Variants in DDI2 observed in about 807,000 individuals in gnomAD.
The protein encoded by DDI2 is DDI proteasomal shuttling factor 2.
DDI2 carries 5 observed loss-of-function variants against 48.1 expected under a neutral mutation model. The observed-to-expected ratio is 0.10, with a 90% CI of 0.05 to 0.22. The LOEUF is 0.22. Among genes scored for constraint, DDI2 ranks in the 10% least tolerant of loss-of-function variants. The probability of loss-of-function intolerance (pLI) is 1.00; values close to 1 mark genes in which losing one functional copy is unlikely to be tolerated. For missense variants in DDI2, 285 were observed against 506.2 expected (o/e 0.56, Z 4.19); for synonymous variants, 205 against 183.6 (o/e 1.12, Z -0.94).
In DDI2 at chr1:15,630,448, G is replaced by A; in HGVS notation, c.392G>A (p.Gly131Asp). 6.2e-7 allele frequency: 1 copy of A among 1,614,208 alleles called. No homozygotes were observed. Among genetic ancestry groups the A allele is most frequent in the Non-Finnish European group, 8.5e-7 (1 of 1,180,040 alleles). Residue 131 changes from glycine (G) to aspartate (D), a missense_variant, in exon 3 of 10, where the codon GGC (glycine) becomes GAC (aspartate). Coordinates refer to ENST00000480945, the MANE Select transcript of DDI2 (RefSeq NM_032341.5). ...GGAGAAATAACTTCATCTCCTCAGG[G>A]CTTGGACAATCCAGCCTTGCTCCGA... is the stretch of plus-strand genomic sequence containing the variant. ...SPGEITSSPQ[G>D]LDNPALLRDM...
intron 1 of DDI2, among the ~76,000 whole-genome samples, chr1:15,620,759 A>G (rs1475017250): frequency 6.6e-6 from 1 of 152,194 alleles, no homozygotes; most frequent in Non-Finnish European, 1.5e-5. Flanking sequence ...TATAATACAC[A>G]TAACGTGCAT....
chr1:15,617,553 C>G lies in DDI2; in HGVS notation c.-118C>G. On this transcript the variant is annotated 5_prime_UTR_variant, in exon 1 of 10. Coordinates refer to ENST00000480945, the MANE Select transcript of DDI2 (RefSeq NM_032341.5). ...GTGTGTGAGGGAGGGAGCGAGCGAG[C>G]GAACGAGCAGCCGGCGCCGTCCTCC... The G allele has an allele frequency of 1.2e-6, 1 of 850,454 alleles. No individual in the cohort carries two copies. The highest frequency in any genetic ancestry group is 4.4e-5 in the Admixed American group (1 of 22,552). The allele number at this position is 850,454 out of a possible 1,614,324, so 52.7% of individuals were successfully genotyped here. A position where few individuals can be genotyped will look rare whatever the true frequency, so the allele number is the denominator to read the frequency against.
At chr1:15,627,749 T>C (rs1353902354) in intron 2 of DDI2, among the ~76,000 whole-genome samples, 2 of 152,208 alleles carry the variant, frequency 1.3e-5, no homozygotes, top group African/African-American at 4.8e-5. Context: ...TTAAATAGTG[T>C]TTAGCCTGTA....
At position 15,661,958 on chromosome 1, in the gene DDI2, C is replaced by A; in HGVS notation, c.*2168C>A. On this transcript the variant is annotated 3_prime_UTR_variant, in exon 10 of 10. Transcript: ENST00000480945. ...ATTTAGGCCTTTTTAAATGTATTGG[C>A]AGTATGTGCATACAGAAGCTTTTTA... 1 of 473,102 alleles carries A rather than the reference C, an allele frequency of 2.1e-6. No homozygotes were observed. Among genetic ancestry groups the A allele is most frequent in the Non-Finnish European group, 3.5e-6 (1 of 282,242 alleles). 29.3% of individuals were successfully genotyped at this position (473,102 alleles called of 1,614,324 possible).
At chr1:15,649,901 C>A in intron 7 of DDI2, 78 bp downstream of exon 7, 1 of 1,374,392 alleles carries the variant, frequency 7.3e-7, no homozygotes, top group Non-Finnish European at 9.9e-7. Flanking sequence ...TTATTGGTTA[C>A]ATATACTGGA....
Position 15,626,728 on chromosome 1 carries a change from G to A in DDI2, c.198G>A (p.Leu66=), listed in dbSNP as rs77782333. 6.2e-7 allele frequency: 1 copy of A among 1,609,822 alleles called. No homozygotes were observed. Among genetic ancestry groups the A allele is most frequent in the Non-Finnish European group, 8.5e-7 (1 of 1,178,728 alleles). ...ACAGATCATTGGCTTCTTATGGCTT[G>A]AAAGATGGGGACGTTGTGATTTTAC... is the stretch of plus-strand genomic sequence containing the variant. ...DNHRSLASYG[L]KDGDVVILRQ... Residue 66 remains leucine (L), a synonymous_variant, in exon 2 of 10, where the codon TTG becomes TTA. Transcript: ENST00000480945.
chr1:15,658,526 G>A (rs1640306473), intron 9 of DDI2, among the ~76,000 whole-genome samples: 1 of 151,294 alleles, frequency 6.6e-6, no homozygotes, highest in South Asian at 2.1e-4. Context: ...ACTTTGGGAG[G>A]CTGAGGCGGG....
In DDI2 at chr1:15,638,325, A is replaced by G. The variant is rs149162199; in HGVS notation, c.651A>G (p.Glu217=). The change falls in exon 5 of 10, where the codon GAA becomes GAG. Residue 217 remains glutamate (E), a synonymous_variant. Coordinates refer to ENST00000480945, the MANE Select transcript of DDI2 (RefSeq NM_032341.5). ...GTTACAGGCAACAGAACATTGAGGA[A>G]AACATGACAATAGCTATGGAAGAGG... ...EEDIRQQNIE[E]NMTIAMEEAP... The G allele has an allele frequency of 2.0e-5, 32 of 1,614,004 alleles. No homozygotes were observed. The African/African-American group carries it at 3.3e-4, about 17-fold the overall frequency.
intron 9 of DDI2, among the ~76,000 whole-genome samples, chr1:15,657,810 T>TA (rs1195669045): frequency 2.0e-5 from 3 of 152,246 alleles, no homozygotes; most frequent in Non-Finnish European, 2.9e-5. Flanking sequence ...GGTATGAAAA[T>TA]AAAAAAACTA....
chr1:15,617,653 C>A lies in DDI2; in HGVS notation c.-18C>A. The A allele has an allele frequency of 7.1e-7, 1 of 1,414,056 alleles. No individual in the cohort carries two copies. The highest frequency in any genetic ancestry group is 1.5e-5 in the African/African-American group (1 of 68,408). 87.6% of individuals were successfully genotyped at this position (1,414,056 alleles called of 1,614,324 possible). On this transcript the variant is annotated 5_prime_UTR_variant, in exon 1 of 10. Transcript: ENST00000480945. ...CCAGGCCGGGCCGAGCCGAGCCGAGCCGGGTCGGGCCCGGGCCATGCTGCT... is the reference window on the plus strand; with the variant it reads ...CCAGGCCGGGCCGAGCCGAGCCGAGACGGGTCGGGCCCGGGCCATGCTGCT...
At chr1:15,646,675 GA>G (rs1388900117) in intron 6 of DDI2, among the ~76,000 whole-genome samples, 2 of 151,554 alleles carry the variant, frequency 1.3e-5, no homozygotes, top group South Asian at 4.2e-4. Flanking sequence ...CAATAAGAGT[GA>G]AACTCCATCT....
In DDI2 at chr1:15,660,218, G is replaced by T; in HGVS notation, c.*428G>T. ...AATCTGGAGAAATCTGCTGAAAGAA[G>T]CACCCAGGGCCTCAAATTTCATCTC... On this transcript the variant is annotated 3_prime_UTR_variant, in exon 10 of 10. Coordinates refer to ENST00000480945, the MANE Select transcript of DDI2 (RefSeq NM_032341.5). The T allele has an allele frequency of 6.2e-7, 1 of 1,614,148 alleles. No homozygotes were observed. The highest frequency in any genetic ancestry group is 8.5e-7 in the Non-Finnish European group (1 of 1,180,032).
chr1:15,629,705 T>C (rs539556652), intron 2 of DDI2, among the ~76,000 whole-genome samples: 30 of 152,008 alleles, frequency 2.0e-4, no homozygotes, highest in Non-Finnish European at 3.7e-4. Context: ...TATGCAATTA[T>C]ATTTATTGAA....
intron 9 of DDI2, among the ~76,000 whole-genome samples, chr1:15,657,343 CTT>C (rs1242975877): frequency 6.6e-6 from 1 of 152,202 alleles, no homozygotes; most frequent in Non-Finnish European, 1.5e-5. Flanking sequence ...CATCATAAGA[CTT>C]TGTAGGAGTT....
intron 3 of DDI2, among the ~76,000 whole-genome samples, chr1:15,631,608 G>C (rs569852253): frequency 4.2e-4 from 64 of 152,094 alleles, no homozygotes; most frequent in Non-Finnish European, 7.6e-4. Context: ...ACAATTCCTT[G>C]AGTTTTGACA....
intron 2 of DDI2, among the ~76,000 whole-genome samples, chr1:15,627,735 T>C (rs1435852653): frequency 1.3e-5 from 2 of 152,184 alleles, no homozygotes; most frequent in Non-Finnish European, 2.9e-5. Context: ...TCAGATAGAT[T>C]TTCTTAAATA....
At position 15,660,459 on chromosome 1, in the gene DDI2, G is replaced by A. The variant is rs1300433159; in HGVS notation, c.*669G>A. 2.5e-6 allele frequency: 4 copies of A among 1,613,950 alleles called. No individual in the cohort carries two copies. The highest frequency in any genetic ancestry group is 3.4e-6 in the Non-Finnish European group (4 of 1,180,022). ...ATCTTTGTAACATAGGGGACCTTGA[G>A]CTTCCTGAAGAAAGGCAACAGAATC... On this transcript the variant is annotated 3_prime_UTR_variant, in exon 10 of 10. Coordinates refer to ENST00000480945, the MANE Select transcript of DDI2 (RefSeq NM_032341.5).
chr1:15,658,113 T>G (rs934701549), intron 9 of DDI2, among the ~76,000 whole-genome samples: 2 of 152,134 alleles, frequency 1.3e-5, no homozygotes, highest in Admixed American at 1.3e-4. Flanking sequence ...TATTTTGAAG[T>G]CATTTTTGTT....
chr1:15,626,979 C>A, intron 2 of DDI2, 181 bp downstream of exon 2: 1 of 768,914 alleles, frequency 1.3e-6, no homozygotes, highest in Non-Finnish European at 2.0e-6. Flanking sequence ...GTTTCCTCTT[C>A]TATAAGTTAG....
Sources: allele counts gnomAD v4.1 joint callset (sites outside exome capture counted in the v4.1 genomes callset), GRCh38; gene constraint gnomAD v4.1.1; transcripts MANE v1.5; gene names NCBI Gene and HGNC (gene_info 2026-07-23, HGNC 2026-07-21).